PTPRG: variants seen among roughly 807,000 people sequenced by gnomAD.
PTPRG encodes protein tyrosine phosphatase receptor type G.
Under a neutral mutation model 165.3 loss-of-function variants are expected in PTPRG, and 102 were observed. The ratio of observed to expected loss-of-function variants is 0.62; its 90% CI spans 0.53 to 0.73. The LOEUF is 0.73. Among genes scored for constraint, PTPRG ranks in the 30% least tolerant of loss-of-function variants. The probability of loss-of-function intolerance (pLI) is 0.00; values close to 1 mark genes in which losing one functional copy is unlikely to be tolerated. For missense variants in PTPRG, 1,866 were observed against 1,861.4 expected, an observed-to-expected ratio of 1.00 and a Z score of -0.05; for synonymous variants, 675 against 669.5, an observed-to-expected ratio of 1.01 and a Z score of -0.13.
chr3:61,738,311 TAC>T (rs35247462), intron 1 of PTPRG, among the ~76,000 whole-genome samples: 12,326 of 80,964 alleles, frequency 0.15, 2,775 homozygotes, highest in East Asian at 0.62. Context: ...TATATATATA[TAC>T]ATATATATAT....
rs1702661778 is a variant in PTPRG, at chr3:62,286,404, T to TCC, written c.4055+3535_4055+3536insCC. ...CTTCACAGTGTCAGGGTTATAACTCTGGATAGCAATCTTGGTTATGATTTT... is the reference window on the plus strand; with the variant it reads ...CTTCACAGTGTCAGGGTTATAACTCTCCGGATAGCAATCTTGGTTATGATTTT... On this transcript the variant is annotated intron_variant, in intron 28 of 29. Coordinates refer to ENST00000474889, the MANE Select transcript of PTPRG (RefSeq NM_002841.4). Among the ~76,000 whole-genome samples, 5 of 151,992 alleles carry TCC rather than the reference T, an allele frequency of 3.3e-5. No homozygotes were observed. The South Asian group carries it at 1.0e-3, about 32-fold the overall frequency.
chr3:62,019,567 G>A (rs2041636206), intron 4 of PTPRG, among the ~76,000 whole-genome samples: 1 of 150,520 alleles, frequency 6.6e-6, no homozygotes, highest in South Asian at 2.1e-4. Context: ...AAGCTCAGGA[G>A]ATCTGTTGTA....
At chr3:62,147,604 C>T (rs1380428842) in intron 6 of PTPRG, among the ~76,000 whole-genome samples, 6 of 152,130 alleles carry the variant, frequency 3.9e-5, no homozygotes, top group Admixed American at 1.3e-4. Flanking sequence ...ATGCATCTCA[C>T]GATTGATGTT....
intron 2 of PTPRG, among the ~76,000 whole-genome samples, chr3:61,836,515 A>G (rs192955782): frequency 6.6e-6 from 1 of 152,294 alleles, no homozygotes; most frequent in African/African-American, 2.4e-5. Context: ...AGCAGCTACT[A>G]TTTACTATGC....
At chr3:62,141,708 T>C (rs1462680735) in intron 6 of PTPRG, among the ~76,000 whole-genome samples, 1 of 151,074 alleles carries the variant, frequency 6.6e-6, no homozygotes, top group Non-Finnish European at 1.5e-5. Context: ...GAGACCAGCC[T>C]GGCTAATGTG....
chr3:62,268,803 G>T (rs1179876040), intron 19 of PTPRG, among the ~76,000 whole-genome samples: 1 of 152,020 alleles, frequency 6.6e-6, no homozygotes, highest in Admixed American at 6.6e-5. Context: ...ATATTGAAAG[G>T]TGACCATAAA....
chr3:62,102,196 G>C (rs756984809), intron 5 of PTPRG, among the ~76,000 whole-genome samples: 20 of 152,106 alleles, frequency 1.3e-4, no homozygotes, highest in Non-Finnish European at 2.5e-4. Context: ...CTAGAGCTTA[G>C]CACAGCGTGG....
intron 5 of PTPRG, among the ~76,000 whole-genome samples, chr3:62,111,472 C>G (rs977608830): frequency 6.6e-6 from 1 of 152,170 alleles, no homozygotes; most frequent in Non-Finnish European, 1.5e-5. Context: ...TGTTTAGAGA[C>G]AAGGTCTTTC....
At position 61,605,344 on chromosome 3, in the gene PTPRG, C is replaced by T. The variant is rs140531953; in HGVS notation, c.85+42972C>T. On this transcript the variant is annotated intron_variant, in intron 1 of 29. Coordinates refer to ENST00000474889, the MANE Select transcript of PTPRG (RefSeq NM_002841.4). Reference sequence around the variant, plus strand: ...GATCTCGACTCACTGCAACCTCTGCCTCCCAGGTTCAAGTGATTCTCCTGC... The same window carrying T: ...GATCTCGACTCACTGCAACCTCTGCTTCCCAGGTTCAAGTGATTCTCCTGC... Among the ~76,000 whole-genome samples the T allele has an allele frequency of 6.2e-3, 943 of 152,220 alleles. 6 individuals are homozygous for T. Among genetic ancestry groups the T allele is most frequent in the African/African-American group, 0.022 (894 of 41,524 alleles).
intron 2 of PTPRG, among the ~76,000 whole-genome samples, chr3:61,843,407 A>T (rs566700281): frequency 3.1e-4 from 47 of 152,300 alleles, no homozygotes; most frequent in African/African-American, 1.1e-3. Flanking sequence ...AAACAGACCC[A>T]TGTACAAATA....
chr3:61,562,512 A>G, intron 1 of PTPRG, 140 bp downstream of exon 1: 1 of 726,550 alleles, frequency 1.4e-6, no homozygotes, highest in Non-Finnish European at 2.4e-6. Flanking sequence ...CGGATAGGAG[A>G]AAAGGATTGC....
intron 2 of PTPRG, among the ~76,000 whole-genome samples, chr3:61,799,602 A>G (rs2035171795): frequency 2.0e-5 from 3 of 152,194 alleles, no homozygotes; most frequent in African/African-American, 7.2e-5. Context: ...CATGGGGCTT[A>G]TAGGTTTTGG....
At chr3:61,806,683 G>GA (rs1010697815) in intron 2 of PTPRG, among the ~76,000 whole-genome samples, 268 of 152,270 alleles carry the variant, frequency 1.8e-3, no homozygotes, top group Non-Finnish European at 5.1e-4. Flanking sequence ...GGAGATGACA[G>GA]AAATAGGCTC....
At chr3:61,766,129 G>A (rs2034007424) in intron 2 of PTPRG, among the ~76,000 whole-genome samples, 1 of 152,190 alleles carries the variant, frequency 6.6e-6, no homozygotes, top group Admixed American at 6.5e-5. Flanking sequence ...ATACATCAGA[G>A]TGGCTCAGAA....
intron 2 of PTPRG, among the ~76,000 whole-genome samples, chr3:61,791,614 A>G (rs1424096640): frequency 6.6e-6 from 1 of 152,142 alleles, no homozygotes; most frequent in Admixed American, 6.5e-5. Context: ...CAGCCTCCTG[A>G]GTAGCTGGAA....
At chr3:61,973,862 G>C (rs1287983249) in intron 2 of PTPRG, among the ~76,000 whole-genome samples, 2 of 151,552 alleles carry the variant, frequency 1.3e-5, no homozygotes, top group East Asian at 1.9e-4. Context: ...ATAAATAAAA[G>C]ATTGGTTTCT....
intron 4 of PTPRG, among the ~76,000 whole-genome samples, chr3:62,051,793 TG>T (rs1473913305): frequency 3.9e-5 from 6 of 152,244 alleles, no homozygotes; most frequent in African/African-American, 1.4e-4. Context: ...CGCCCTCATG[TG>T]GTCTGTGTGC....
intron 2 of PTPRG, among the ~76,000 whole-genome samples, chr3:61,862,207 A>G (rs1262852558): frequency 6.6e-6 from 1 of 152,128 alleles, no homozygotes; most frequent in Admixed American, 6.5e-5. Context: ...GCTAATGCCT[A>G]TTGGAAAAAG....
rs751682133 is a variant in PTPRG at position 61,901,830 on chromosome 3, T to G, written c.191-87795T>G. 4.6e-5 allele frequency among the ~76,000 whole-genome samples: 7 copies of G among 152,234 alleles called. 1 individual carries two copies. The highest frequency in any genetic ancestry group is 1.3e-4 in the Admixed American group (2 of 15,290). On this transcript the variant is annotated intron_variant, in intron 2 of 29. Transcript: ENST00000474889. ...AGAATGCCATTTCTTTTTCCTTTAC[T>G]TTGTAACATTGATATCACTGCTAGA...
Sources: allele counts gnomAD v4.1 joint callset (sites outside exome capture counted in the v4.1 genomes callset), GRCh38; gene constraint gnomAD v4.1.1; transcripts MANE v1.5; gene names NCBI Gene and HGNC (gene_info 2026-07-23, HGNC 2026-07-21).